The following AHNAK variants were observed in gnomAD, a reference collection of about 807,000 sequenced individuals.
AHNAK encodes AHNAK nucleoprotein.
AHNAK carries 23 observed loss-of-function variants against 37.8 expected under a neutral mutation model. The observed-to-expected ratio is 0.61, with a 90% confidence interval of 0.44 to 0.86. AHNAK has a LOEUF of 0.86. Ranked by LOEUF, AHNAK falls within the 40% of genes least tolerant of loss-of-function variation. AHNAK has a pLI of 0.00. For synonymous variants in AHNAK, 2,481 were observed against 2,636.3 expected (o/e 0.94, Z 1.80); for missense variants, 7,411 against 7,319.4 (o/e 1.01, Z -0.46).
chr11:62,518,195 G>T lies in AHNAK; in HGVS notation c.16222C>A (p.Leu5408Met). The T allele has an allele frequency of 6.2e-7, 1 of 1,614,186 alleles. No individual in the cohort carries two copies. ...EGSIKLPKMKLPQFGISTPGS... is the reference protein window; with the variant it reads ...EGSIKLPKMKMPQFGISTPGS... ...GGAGTAGAGATGCCAAATTGGGGCA[G>T]CTTCATTTTGGGAAGTTTAATGCTG... Residue 5408 changes from leucine to methionine, a missense_variant, in exon 5 of 5, where the codon CTG becomes ATG. Physicochemically the swap from Leu to Met is conservative, Grantham distance 15. Transcript: ENST00000378024.
intron 1 of AHNAK, among the ~76,000 whole-genome samples, chr11:62,544,921 C>A (rs1941258556): frequency 6.6e-6 from 1 of 152,170 alleles, no homozygotes; most frequent in African/African-American, 2.4e-5. Flanking sequence ...ACCTACCATG[C>A]ACTAGGCTGT....
rs527319148 is a variant in AHNAK, at chr11:62,478,931, A to G, written c.442+12801T>C. On this transcript the variant is annotated intron_variant, in intron 5 of 5. Transcript: ENST00000257247. The stretch of plus-strand genomic sequence containing the variant: ...TGCTCTGTCTCCCAGGCTGGAGTAC[A>G]GTGGCGCAATCTCAGCTCACTACAA... Among the ~76,000 whole-genome samples, 10 of 152,012 alleles carry G rather than the reference A, an allele frequency of 6.6e-5. No individual in the cohort carries two copies. In the East Asian group the frequency reaches 1.7e-3, roughly 27 times the overall value.
At chr11:62,493,332 C>CT (rs538984724) in intron 4 of AHNAK, among the ~76,000 whole-genome samples, 4,557 of 122,912 alleles carry the variant, frequency 0.037, 124 homozygotes, top group Non-Finnish European at 0.056. Context: ...TTCTTTCTTT[C>CT]TTTTTTTTTT....
At chr11:62,494,048 T>C (rs906736653) in intron 4 of AHNAK, among the ~76,000 whole-genome samples, 4 of 151,918 alleles carry the variant, frequency 2.6e-5, no homozygotes, top group Admixed American at 6.6e-5. Context: ...AATGAATGAG[T>C]GGTGAATAAA....
chr11:62,537,984 C>G (rs11231132), intron 1 of AHNAK, among the ~76,000 whole-genome samples: 1 of 151,968 alleles, frequency 6.6e-6, no homozygotes, highest in African/African-American at 2.4e-5. Flanking sequence ...CCCGGCCGAC[C>G]GAGTCTGTAA....
intron 5 of AHNAK, among the ~76,000 whole-genome samples, chr11:62,479,260 C>T (rs1431376233): frequency 1.3e-5 from 2 of 150,548 alleles, no homozygotes; most frequent in Non-Finnish European, 3.0e-5. Flanking sequence ...CTCTGCCTCC[C>T]AGGTTCAAGT....
In AHNAK at chr11:62,532,985, C is replaced by T. The variant is rs1214197085; in HGVS notation, c.1432G>A (p.Gly478Arg). ...GTACCTTTCATCTTTCCTTCCAGCC[C>T]ACCAGTAGCAATCTCAGGCAGGCTG... ...DVSLPEIATG[G>R]LEGKMKGTKV... The change falls in exon 5 of 5, where the codon GGG becomes AGG. Residue 478 changes from glycine (G) to arginine (R), a missense_variant. Transcript: ENST00000378024. 3.7e-6 allele frequency: 6 copies of T among 1,614,162 alleles called. No individual in the cohort carries two copies. The highest frequency in any genetic ancestry group is 5.1e-6 in the Non-Finnish European group (6 of 1,180,028).
intron 5 of AHNAK, among the ~76,000 whole-genome samples, chr11:62,491,303 C>CT (rs113493168): frequency 0.15 from 22,054 of 152,022 alleles, 3,945 homozygotes; most frequent in African/African-American, 0.42. Flanking sequence ...AAAGACTTTC[C>CT]TTTAGAGGAT....
intron 1 of AHNAK, among the ~76,000 whole-genome samples, chr11:62,541,059 G>T (rs1240595139): frequency 6.6e-6 from 1 of 152,206 alleles, no homozygotes; most frequent in East Asian, 1.9e-4. Flanking sequence ...CCAGTATAAA[G>T]ACAGCCAGGA....
Position 62,518,206 on chromosome 11 carries a change from G to T in AHNAK, c.16211C>A (p.Pro5404His). Residue 5404 changes from proline to histidine, a missense_variant, in exon 5 of 5, where the codon CCC (proline) becomes CAC (histidine). By Grantham distance (77) the Pro-to-His change is moderately conservative (BLOSUM62 -2). Coordinates refer to ENST00000378024, the MANE Select transcript of AHNAK (RefSeq NM_001620.3). ...LEASEGSIKLPKMKLPQFGIS... is the reference protein window; with the variant it reads ...LEASEGSIKLHKMKLPQFGIS... ...GCCAAATTGGGGCAGCTTCATTTTG[G>T]GAAGTTTAATGCTGCCTTCGGATGC... is the stretch of plus-strand genomic sequence containing the variant. The T allele has an allele frequency of 6.2e-7, 1 of 1,614,176 alleles. No homozygotes were observed. The highest frequency in any genetic ancestry group is 8.5e-7 in the Non-Finnish European group (1 of 1,180,036).
chr11:62,435,882 C>T (rs1199233528), intron 5 of AHNAK, among the ~76,000 whole-genome samples: 1 of 152,220 alleles, frequency 6.6e-6, no homozygotes, highest in Non-Finnish European at 1.5e-5. Context: ...TGCACACTTG[C>T]TATGAACCTG....
In AHNAK at chr11:62,528,054, A is replaced by G. The variant is rs748004627; in HGVS notation, c.6363T>C (p.Asp2121=). 171 of 1,613,778 alleles carry G rather than the reference A, an allele frequency of 1.1e-4. No individual in the cohort carries two copies. The highest frequency in any genetic ancestry group is 3.7e-4 in the South Asian group (34 of 91,062). ...TGGGGCCTTTCAAGTGTAAGTCCAC[A>G]TCAGGCATGGAGATCTTGGGGGCCT... ...HFKAPKISMP[D]VDLHLKGPKV... is the part of the protein sequence containing the mutation. The change falls in exon 5 of 5, where the codon GAT becomes GAC. Residue 2121 remains aspartate, a synonymous_variant. Coordinates refer to ENST00000378024, the MANE Select transcript of AHNAK (RefSeq NM_001620.3).
chr11:62,512,105 C>T (rs1280146095), downstream of AHNAK, among the ~76,000 whole-genome samples: 1 of 152,198 alleles, frequency 6.6e-6, no homozygotes, highest in East Asian at 1.9e-4. The surrounding 1 kb of genome is among the most constrained non-coding windows in gnomAD (Gnocchi z 4.0). Flanking sequence ...CCTCGGCCTC[C>T]CAACGTGTTA....
In AHNAK at chr11:62,529,427, C is replaced by A; in HGVS notation, c.4990G>T (p.Gly1664Cys). 1 of 1,614,070 alleles carries A rather than the reference C, an allele frequency of 6.2e-7. No homozygotes were observed. Among genetic ancestry groups the A allele is most frequent in the Non-Finnish European group, 8.5e-7 (1 of 1,180,026 alleles). ...SMPDVDLHLKGPKVKGDMDVS... is the reference protein window; with the variant it reads ...SMPDVDLHLKCPKVKGDMDVS... Reference sequence around the variant, plus strand: ...TCCATATCCCCTTTGACTTTGGGGCCTTTCAAGTGTAAGTCCACATCGGGC... The same window carrying A: ...TCCATATCCCCTTTGACTTTGGGGCATTTCAAGTGTAAGTCCACATCGGGC... The change falls in exon 5 of 5, where the codon GGC becomes TGC. Residue 1664 changes from glycine to cysteine, a missense_variant. Physicochemically the swap from Gly to Cys is radical, Grantham distance 159 (BLOSUM62 -3). Coordinates refer to ENST00000378024, the MANE Select transcript of AHNAK (RefSeq NM_001620.3).
In AHNAK at chr11:62,533,245, G is replaced by A. The variant is rs1429773992; in HGVS notation, c.1172C>T (p.Pro391Leu). The A allele has an allele frequency of 6.6e-7, 1 of 1,525,692 alleles. No homozygotes were observed. The highest frequency in any genetic ancestry group is 1.4e-5 in the African/African-American group (1 of 71,734). The allele number at this position is 1,525,692 out of a possible 1,614,324, so 94.5% of individuals were successfully genotyped here. The change falls in exon 5 of 5, where the codon CCA becomes CTA. Residue 391 changes from proline to leucine, a missense_variant. Transcript: ENST00000378024. ...EGDLGLKGAK[P>L]QGHIGVDASA... is the part of the protein sequence containing the mutation. ...GGCATCCACCCCAATGTGCCCCTGTGGCTTGGCACCTTTCAGGCCTAGGTC... is the reference window on the plus strand; with the variant it reads ...GGCATCCACCCCAATGTGCCCCTGTAGCTTGGCACCTTTCAGGCCTAGGTC...
chr11:62,519,716 C>T lies in AHNAK; in HGVS notation c.14701G>A (p.Gly4901Ser). 6.2e-7 allele frequency: 1 copy of T among 1,613,982 alleles called. No individual in the cohort carries two copies. Among genetic ancestry groups the T allele is most frequent in the South Asian group, 1.1e-5 (1 of 91,036 alleles). The change falls in exon 5 of 5, where the codon GGC becomes AGC. Residue 4901 changes from glycine to serine, a missense_variant. Transcript: ENST00000378024. ...DFEGPDAKLS[G>S]PSLKMPSLEI... ...AGCGATGGCATCTTCAAAGATGGGC[C>T]ACTGAGTTTGGCATCAGGGCCTTCG...
At chr11:62,501,417 A>C (rs1343306383) in intron 4 of AHNAK, among the ~76,000 whole-genome samples, 1 of 152,112 alleles carries the variant, frequency 6.6e-6, no homozygotes, top group Non-Finnish European at 1.5e-5. Context: ...AATACAAAAA[A>C]TTAGCCAGGC....
chr11:62,465,236 C>G (rs1181618831), intron 5 of AHNAK, among the ~76,000 whole-genome samples: 1 of 152,074 alleles, frequency 6.6e-6, no homozygotes, highest in African/African-American at 2.4e-5. Flanking sequence ...GTCCCCCCCT[C>G]GAAAGATATG....
chr11:62,528,369 A>G lies in AHNAK; in HGVS notation c.6048T>C (p.Gly2016=). 6.2e-7 allele frequency: 1 copy of G among 1,609,392 alleles called. No homozygotes were observed. Among genetic ancestry groups the G allele is most frequent in the Non-Finnish European group, 8.5e-7 (1 of 1,178,746 alleles). The change falls in exon 5 of 5, where the codon GGT becomes GGC. Residue 2016 remains glycine, a synonymous_variant. Coordinates refer to ENST00000378024, the MANE Select transcript of AHNAK (RefSeq NM_001620.3). ...DMDVSVPKVE[G]EMKVPDVDIK... ...TGTCAACATCTGGCACTTTCATTTC[A>G]CCTTCTACCTTGGGCACAGACACAT...
Sources: gnomAD v4.1 joint callset for allele counts (sites outside exome capture counted in the v4.1 genomes callset) on GRCh38, gnomAD v4.1.1 for gene constraint, Gnocchi (gnomAD v3.1) non-coding constraint, MANE v1.5 for transcripts, NCBI Gene and HGNC (gene_info 2026-07-23, HGNC 2026-07-21) for gene names.